The following SGK3 variants were observed in gnomAD, a reference collection of about 807,000 sequenced individuals.
The protein encoded by SGK3 is serum/glucocorticoid regulated kinase family member 3.
SGK3 carries 47 observed loss-of-function variants against 68.5 expected under a neutral mutation model. That is an observed-to-expected ratio of 0.69 (90% confidence interval 0.54 to 0.87). The LOEUF is 0.87. SGK3 is among the 40% of genes least tolerant of loss of function. The probability of loss-of-function intolerance (pLI) is 0.00; values close to 1 mark genes in which losing one functional copy is unlikely to be tolerated. For missense variants in SGK3, 479 were observed against 575.5 expected, an observed-to-expected ratio of 0.83 and a Z score of 1.72; for synonymous variants, 181 against 189.1, an observed-to-expected ratio of 0.96 and a Z score of 0.35.
At chr8:66,800,157 T>C (rs946913133) in intron 3 of SGK3, among the ~76,000 whole-genome samples, 1 of 151,694 alleles carries the variant, frequency 6.6e-6, no homozygotes, top group Non-Finnish European at 1.5e-5. Flanking sequence ...CTGGCTAACA[T>C]GGTGAAACCC....
chr8:66,793,687 T>G lies in SGK3; in HGVS notation c.-50T>G, dbSNP rs1253334553. On this transcript the variant is annotated 5_prime_UTR_variant, in exon 2 of 17. Transcript: ENST00000521198. ...GGATTAGTTAATTGGGTTTGTCCTC[T>G]GCTGACTGTTTCTTCGGATGCATTT... The G allele has an allele frequency of 6.3e-7, 1 of 1,580,694 alleles. No individual in the cohort carries two copies. Among genetic ancestry groups the G allele is most frequent in the Non-Finnish European group, 8.6e-7 (1 of 1,158,898 alleles).
chr8:66,814,869 G>A (rs182500105), intron 5 of SGK3, among the ~76,000 whole-genome samples: 4 of 152,284 alleles, frequency 2.6e-5, no homozygotes, highest in South Asian at 2.1e-4. Flanking sequence ...CTGGTAGTTG[G>A]TTTATGAGTA....
chr8:66,801,849 A>G (rs1393068690), intron 3 of SGK3, among the ~76,000 whole-genome samples: 3 of 152,156 alleles, frequency 2.0e-5, no homozygotes, highest in African/African-American at 7.2e-5. Context: ...CCACACCGGT[A>G]GTGTGTGTTC....
intron 1 of SGK3, chr8:66,767,379 T>A (rs1806350027): frequency 8.3e-7 from 1 of 1,204,232 alleles, no homozygotes; most frequent in African/African-American, 1.5e-5. Flanking sequence ...ATACACAAAC[T>A]CTAAAGCACT....
At chr8:66,767,887 T>C in intron 1 of SGK3, 1 of 1,258,608 alleles carries the variant, frequency 7.9e-7, no homozygotes, top group African/African-American at 1.5e-5. Context: ...TATTGAAACT[T>C]GAGATCTCCC....
intron 1 of SGK3, among the ~76,000 whole-genome samples, chr8:66,784,411 C>A (rs1807115585): frequency 6.6e-6 from 1 of 152,096 alleles, no homozygotes; most frequent in Admixed American, 6.5e-5. Flanking sequence ...CCAACTCACC[C>A]TCCCTGCTGT....
At chr8:66,807,088 G>A (rs2130621627) in intron 4 of SGK3, among the ~76,000 whole-genome samples, 1 of 152,230 alleles carries the variant, frequency 6.6e-6, no homozygotes, top group East Asian at 1.9e-4. Context: ...TAATGAGTAT[G>A]GGGACTAGGG....
chr8:66,833,760 C>T (rs139468888), intron 8 of SGK3, among the ~76,000 whole-genome samples: 4,687 of 152,274 alleles, frequency 0.031, 256 homozygotes, highest in African/African-American at 0.11. Flanking sequence ...GGCGCAATCT[C>T]GGCTCACTGC....
At chr8:66,792,480 A>G (rs571684949) in intron 1 of SGK3, among the ~76,000 whole-genome samples, 1 of 152,306 alleles carries the variant, frequency 6.6e-6, no homozygotes, top group East Asian at 1.9e-4. Flanking sequence ...TATATATTTT[A>G]AATCATTACC....
chr8:66,753,386 A>G (rs1359448689), intron 1 of SGK3, among the ~76,000 whole-genome samples: 1 of 152,242 alleles, frequency 6.6e-6, no homozygotes, highest in Non-Finnish European at 1.5e-5. Flanking sequence ...GAACCAAGGT[A>G]GAAGCTTGTC....
At chr8:66,848,652 G>A (rs1810136332) in intron 15 of SGK3, among the ~76,000 whole-genome samples, 1 of 152,124 alleles carries the variant, frequency 6.6e-6, no homozygotes, top group Non-Finnish European at 1.5e-5. Context: ...AAGGAACCCT[G>A]TCCATGTTTG....
At chr8:66,848,417 C>A (rs1810126744) in intron 15 of SGK3, among the ~76,000 whole-genome samples, 1 of 152,176 alleles carries the variant, frequency 6.6e-6, no homozygotes, top group South Asian at 2.1e-4. Context: ...CTATTTCACA[C>A]CTTCTCTCCA....
At chr8:66,761,069 G>T (rs1806151758) in intron 1 of SGK3, among the ~76,000 whole-genome samples, 1 of 151,364 alleles carries the variant, frequency 6.6e-6, no homozygotes, top group Admixed American at 6.6e-5. Context: ...AATAAAATTA[G>T]TAATCTTTAC....
intron 14 of SGK3, among the ~76,000 whole-genome samples, chr8:66,843,993 C>CAA (rs11311018): frequency 5.0e-4 from 36 of 71,382 alleles, no homozygotes; most frequent in Non-Finnish European, 7.3e-4. Flanking sequence ...GACTCTGTCT[C>CAA]AAAAAAAAAA....
intron 1 of SGK3, among the ~76,000 whole-genome samples, chr8:66,749,107 A>G (rs1805734244): frequency 6.6e-6 from 1 of 152,198 alleles, no homozygotes; most frequent in East Asian, 1.9e-4. Context: ...GAGAGAAAAT[A>G]TGGTTAAGAA....
intron 3 of SGK3, among the ~76,000 whole-genome samples, chr8:66,799,587 A>T (rs984290518): frequency 6.6e-6 from 1 of 152,210 alleles, no homozygotes; most frequent in Non-Finnish European, 1.5e-5. Flanking sequence ...TTCAGTTAAG[A>T]ACAAAAGCAA....
At chr8:66,765,070 A>G (rs539722404) in intron 1 of SGK3, among the ~76,000 whole-genome samples, 1 of 152,324 alleles carries the variant, frequency 6.6e-6, no homozygotes, top group Admixed American at 6.5e-5. Flanking sequence ...TTTTGGGGGT[A>G]TATATCTAGA....
intron 2 of SGK3, 50 bp downstream of exon 2, chr8:66,793,882 A>G: frequency 6.4e-7 from 1 of 1,573,094 alleles, no homozygotes; most frequent in Admixed American, 1.8e-5. Context: ...TGTAGAGAAT[A>G]TTTTCATTTC....
intron 10 of SGK3, among the ~76,000 whole-genome samples, chr8:66,836,744 A>G (rs1809548605): frequency 6.7e-6 from 1 of 150,092 alleles, no homozygotes; most frequent in African/African-American, 2.4e-5. Flanking sequence ...ACTTCGAGAA[A>G]TTCTGCCTTA....
Sources: gnomAD v4.1 joint callset for allele counts (sites outside exome capture counted in the v4.1 genomes callset) on GRCh38, gnomAD v4.1.1 for gene constraint, MANE v1.5 for transcripts, NCBI Gene and HGNC (gene_info 2026-07-23, HGNC 2026-07-21) for gene names.